Variants in AMY2B observed in about 807,000 individuals in gnomAD.
AMY2B encodes amylase alpha 2B, also known as alpha-amylase 2B.
AMY2B carries 63 observed loss-of-function variants against 59.3 expected under a neutral mutation model. That is an observed-to-expected ratio of 1.06 (90% CI 0.87 to 1.31). The LOEUF is 1.31. Ranked by LOEUF, AMY2B falls within the 50% of genes most tolerant of loss-of-function variation. The probability of loss-of-function intolerance (pLI) is 0.00; values close to 1 mark genes in which losing one functional copy is unlikely to be tolerated. For synonymous variants in AMY2B, 180 were observed against 198.1 expected (o/e 0.91, Z 0.77); for missense variants, 635 against 626.7 (o/e 1.01, Z -0.14).
chr1:103,556,208 G>A (rs1651542846), intron 1 of AMY2B, among the ~76,000 whole-genome samples: 1 of 152,128 alleles, frequency 6.6e-6, no homozygotes, highest in Admixed American at 6.6e-5. Context: ...TTATTTAAGT[G>A]GTATCAGTCA....
At chr1:103,569,455 G>A, upstream of AMY2B, 1 of 225,598 alleles carries the variant, frequency 4.4e-6, no homozygotes, top group Non-Finnish European at 8.9e-6. Context: ...GGTTTAAAAA[G>A]GTTAAGATTT....
At chr1:103,574,121 C>A in intron 4 of AMY2B, 139 bp from the exon 5 acceptor site, 1 of 1,474,836 alleles carries the variant, frequency 6.8e-7, no homozygotes, top group Non-Finnish European at 9.0e-7. Flanking sequence ...CAAAACAAGA[C>A]AAAAAGAAAT....
At chr1:103,579,249 GT>G in intron 9 of AMY2B, 61 bp from the exon 10 acceptor site, 1 of 1,611,090 alleles carries the variant, frequency 6.2e-7, no homozygotes. Flanking sequence ...CTGTTTAGTT[GT>G]GTTAGCCTGT....
At chr1:103,570,343 C>A, upstream of AMY2B, 1 of 692,470 alleles carries the variant, frequency 1.4e-6, no homozygotes, top group Non-Finnish European at 2.7e-6. Context: ...TCCAGCCTTC[C>A]TTCCTGGACA....
Position 103,579,312 on chromosome 1 carries a change from A to T in AMY2B, c.1348A>T (p.Thr450Ser), listed in dbSNP as rs1300818388. Reference sequence around the variant, plus strand: ...TAAATCTGAAATTTTATTTTACAGGACATTTTCTTTAACTTTGCAAACTGG... The same window carrying T: ...TAAATCTGAAATTTTATTTTACAGGTCATTTTCTTTAACTTTGCAAACTGG... ...GFIVFNNDDW[T>S]FSLTLQTGLP... The change falls in exon 10 of 10, where the codon ACA (threonine) becomes TCA (serine). Residue 450 changes from threonine to serine, a missense_variant and splice_region_variant. Physicochemically the swap from Thr to Ser is moderately conservative, Grantham distance 58. Coordinates refer to ENST00000684275, the MANE Select transcript of AMY2B (RefSeq NM_001387437.1). The T allele has an allele frequency of 1.2e-6, 2 of 1,611,656 alleles. No individual in the cohort carries two copies. Among genetic ancestry groups the T allele is most frequent in the Non-Finnish European group, 1.7e-6 (2 of 1,179,664 alleles).
chr1:103,569,328 G>GTATATATATATATA (rs374957903), upstream of AMY2B: 2 of 145,288 alleles, frequency 1.4e-5, no homozygotes, highest in African/African-American at 5.2e-5. Context: ...GTGTGTTTGT[G>GTATATATATATATA]TATATATATA....
chr1:103,555,500 T>C (rs138714360), intron 1 of AMY2B, among the ~76,000 whole-genome samples: 1 of 152,274 alleles, frequency 6.6e-6, no homozygotes, highest in East Asian at 1.9e-4. Flanking sequence ...TAGAAATTTG[T>C]ATCCTTGCTG....
At chr1:103,576,007 A>T (rs1051671109) in intron 7 of AMY2B, among the ~76,000 whole-genome samples, 9 of 152,202 alleles carry the variant, frequency 5.9e-5, no homozygotes, top group Non-Finnish European at 1.0e-4. Context: ...AAATAGGGAA[A>T]AGTATCTAAT....
chr1:103,562,574 A>T (rs949689406), intron 1 of AMY2B, among the ~76,000 whole-genome samples: 6 of 151,766 alleles, frequency 4.0e-5, no homozygotes, highest in Non-Finnish European at 8.8e-5. Context: ...ACATTAAGGT[A>T]TTTCAGTTGT....
rs74570877 is a variant in AMY2B, at chr1:103,576,827, A to T, written c.1102-663A>T. On this transcript the variant is annotated intron_variant, in intron 7 of 9. Coordinates refer to ENST00000684275, the MANE Select transcript of AMY2B (RefSeq NM_001387437.1). ...AAACTGAGACACAGAGAAATTATGT[A>T]TGTTGATTAAATTTTCTTAGCTACT... 4.9e-4 allele frequency among the ~76,000 whole-genome samples: 74 copies of T among 152,328 alleles called. 1 individual carries two copies. The East Asian group carries it at 0.013, about 27-fold the overall frequency.
In AMY2B at chr1:103,577,994, A is replaced by G; in HGVS notation, c.1346+149A>G. The G allele has an allele frequency of 3.3e-6, 5 of 1,497,468 alleles. No homozygotes were observed. The South Asian group carries it at 6.7e-5, about 20-fold the overall frequency. 92.8% of individuals were successfully genotyped at this position (1,497,468 alleles called of 1,614,324 possible). On this transcript the variant is annotated intron_variant, in intron 9 of 9. Coordinates refer to ENST00000684275, the MANE Select transcript of AMY2B (RefSeq NM_001387437.1). ...TAGACATCAAAATTGGGCAGAAGTA[A>G]AAAGATGATGGCTGTTACTCCTTCA... is the stretch of plus-strand genomic sequence containing the variant.
upstream of AMY2B, chr1:103,569,263 C>T (rs1652021245): frequency 6.6e-6 from 1 of 152,328 alleles, no homozygotes; most frequent in Admixed American, 6.5e-5. Flanking sequence ...CACGCACACA[C>T]ACACAGAGTC....
At position 103,574,307 on chromosome 1, in the gene AMY2B, A is replaced by T. The variant is rs369145442; in HGVS notation, c.792A>T (p.Gly264=). ...GEPIKSSDYF[G]NGRVTEFKYG... is the part of the protein sequence containing the mutation. ...CAATTAAAAGCAGTGACTACTTTGG[A>T]AATGGCCGGGTGACAGAATTCAAGT... is the stretch of plus-strand genomic sequence containing the variant. Residue 264 remains glycine (G), a synonymous_variant, in exon 5 of 10, where the codon GGA becomes GGT. Transcript: ENST00000684275. The T allele has an allele frequency of 1.9e-5, 31 of 1,611,692 alleles. No homozygotes were observed. The East Asian group carries it at 4.5e-4, about 23-fold the overall frequency.
Position 103,577,744 on chromosome 1 carries a change from A to G in AMY2B, c.1245A>G (p.Val415=), listed in dbSNP as rs1652419031. The G allele has an allele frequency of 6.2e-7, 1 of 1,610,954 alleles. No homozygotes were observed. The highest frequency in any genetic ancestry group is 1.3e-5 in the African/African-American group (1 of 74,966). ...GGAACATGGTTAATTTCCGCAATGT[A>G]GTGGATGGCCAGCCTTTTACAAACT... ...QIRNMVNFRN[V]VDGQPFTNWY... is the part of the protein sequence containing the mutation. Residue 415 remains valine (V), a synonymous_variant, in exon 9 of 10, where the codon GTA becomes GTG. Coordinates refer to ENST00000684275, the MANE Select transcript of AMY2B (RefSeq NM_001387437.1).
Position 103,579,309 on chromosome 1 carries a change from A to G in AMY2B, c.1347-2A>G. ...AGTTAAATCTGAAATTTTATTTTAC[A>G]GGACATTTTCTTTAACTTTGCAAAC... On this transcript the variant is annotated splice_acceptor_variant, in intron 9 of 9. Transcript: ENST00000684275. LOFTEE classifies it high-confidence loss of function. 1.2e-6 allele frequency: 2 copies of G among 1,611,670 alleles called. No individual in the cohort carries two copies. The highest frequency in any genetic ancestry group is 8.5e-7 in the Non-Finnish European group (1 of 1,179,656).
upstream of AMY2B, chr1:103,569,570 C>A: frequency 5.6e-6 from 2 of 358,808 alleles, no homozygotes; most frequent in South Asian, 2.4e-5. Context: ...AAGAGATTGC[C>A]GTACTGGTGA....
Position 103,579,482 on chromosome 1 carries a change from T to C in AMY2B, c.1518T>C (p.His506=), listed in dbSNP as rs1652489288. The C allele has an allele frequency of 6.2e-7, 1 of 1,610,670 alleles. No individual in the cohort carries two copies. Among genetic ancestry groups the C allele is most frequent in the Non-Finnish European group, 8.5e-7 (1 of 1,179,438 alleles). ...CTGAGGATCCATTTATTGCAATTCA[T>C]GCTGAATCTAAATTATAAAATTTAA... ...NSAEDPFIAI[H]AESKL Residue 506 remains histidine, a synonymous_variant, in exon 10 of 10, where the codon CAT becomes CAC. Coordinates refer to ENST00000684275, the MANE Select transcript of AMY2B (RefSeq NM_001387437.1).
chr1:103,560,603 T>G (rs1269744556), intron 1 of AMY2B, among the ~76,000 whole-genome samples: 2 of 152,174 alleles, frequency 1.3e-5, no homozygotes, highest in Non-Finnish European at 2.9e-5. Flanking sequence ...TACCCATGCA[T>G]ATTCTCACAG....
At chr1:103,578,120 C>G (rs1413341380) in intron 9 of AMY2B, among the ~76,000 whole-genome samples, 2 of 152,102 alleles carry the variant, frequency 1.3e-5, no homozygotes, top group Non-Finnish European at 2.9e-5. Flanking sequence ...ATATGCTCAC[C>G]TACACATGCC....
Sources: allele counts gnomAD v4.1 joint callset (sites outside exome capture counted in the v4.1 genomes callset), GRCh38; gene constraint gnomAD v4.1.1; transcripts MANE v1.5; gene names NCBI Gene and HGNC (gene_info 2026-07-23, HGNC 2026-07-21).